The following GALNTL6 variants were observed in gnomAD, a reference collection of about 807,000 sequenced individuals.
GALNTL6 encodes polypeptide N-acetylgalactosaminyltransferase-like 6.
A neutral mutation model predicts 73.7 loss-of-function variants in GALNTL6; 46 were observed. The observed-to-expected ratio is 0.62, with a 90% confidence interval of 0.49 to 0.80. The LOEUF (loss-of-function observed/expected upper bound fraction) is 0.80. GALNTL6 is among the 30% of genes least tolerant of loss of function. The pLI is 0.00. For synonymous variants in GALNTL6, 259 were observed against 263.7 expected (o/e 0.98, Z 0.17); for missense variants, 604 against 755.0 (o/e 0.80, Z 2.34).
intron 4 of GALNTL6, among the ~76,000 whole-genome samples, chr4:172,325,221 T>C (rs1324483278): frequency 6.6e-6 from 1 of 151,966 alleles, no homozygotes; most frequent in Non-Finnish European, 1.5e-5. Flanking sequence ...CATGCCAATA[T>C]ATTTGACACT....
intron 3 of GALNTL6, among the ~76,000 whole-genome samples, chr4:172,291,316 A>G (rs1175429697): frequency 6.6e-6 from 1 of 152,118 alleles, no homozygotes; most frequent in Non-Finnish European, 1.5e-5. Context: ...GGATTAAAAT[A>G]AGTGGCAAGA....
intron 10 of GALNTL6, among the ~76,000 whole-genome samples, chr4:173,000,641 C>T (rs1752005563): frequency 6.6e-6 from 1 of 152,154 alleles, no homozygotes; most frequent in Non-Finnish European, 1.5e-5. Context: ...CCCACATTTC[C>T]TAATTTCAAA....
chr4:172,017,337 G>A (rs1163984745), intron 2 of GALNTL6, among the ~76,000 whole-genome samples: 1 of 152,144 alleles, frequency 6.6e-6, no homozygotes, highest in African/African-American at 2.4e-5. Context: ...CAGAAATGTT[G>A]ATGTTTTGAG....
intron 3 of GALNTL6, among the ~76,000 whole-genome samples, chr4:172,239,712 G>A (rs766428411): frequency 2.0e-5 from 3 of 152,084 alleles, no homozygotes; most frequent in African/African-American, 4.8e-5. Context: ...ACTTTTTTAT[G>A]TGGGTGTTTA....
In GALNTL6 at chr4:172,071,528, A is replaced by C. The variant is rs1210405822; in HGVS notation, c.139-158128A>C. ...AGTATGGCAAATTCCCTTCAGTTGTAAAACCCTTTTGGTGTTCTGCTTTTC... is the reference window on the plus strand; with the variant it reads ...AGTATGGCAAATTCCCTTCAGTTGTCAAACCCTTTTGGTGTTCTGCTTTTC... On this transcript the variant is annotated intron_variant, in intron 2 of 12. Transcript: ENST00000506823. 2.0e-4 allele frequency among the ~76,000 whole-genome samples: 22 copies of C among 111,030 alleles called. 8 individuals carry two copies. The highest frequency in any genetic ancestry group is 4.0e-4 in the Non-Finnish European group (20 of 49,728). The allele number at this position is 111,030 out of a possible 152,430, so 72.8% of individuals were successfully genotyped here.
chr4:172,371,975 C>G (rs1322571439), intron 5 of GALNTL6, among the ~76,000 whole-genome samples: 1 of 152,200 alleles, frequency 6.6e-6, no homozygotes, highest in African/African-American at 2.4e-5. Context: ...ATTAGATAAG[C>G]ATACTTGCTA....
intron 2 of GALNTL6, among the ~76,000 whole-genome samples, chr4:171,830,389 C>T (rs868632424): frequency 6.6e-6 from 1 of 152,106 alleles, no homozygotes; most frequent in African/African-American, 2.4e-5. Flanking sequence ...ACTTAGAGTG[C>T]TTAGCATTAT....
chr4:172,446,393 T>C (rs1034937398), intron 5 of GALNTL6, among the ~76,000 whole-genome samples: 1 of 152,100 alleles, frequency 6.6e-6, no homozygotes, highest in Non-Finnish European at 1.5e-5. Context: ...ACAAGAGGCA[T>C]TTGAAACTGA....
At chr4:172,772,943 C>G (rs185228869) in intron 5 of GALNTL6, among the ~76,000 whole-genome samples, 4 of 152,230 alleles carry the variant, frequency 2.6e-5, no homozygotes, top group African/African-American at 9.6e-5. Context: ...ACAATGGAAA[C>G]AGAGATTGGA....
chr4:171,885,559 G>A (rs895097226), intron 2 of GALNTL6, among the ~76,000 whole-genome samples: 19 of 152,282 alleles, frequency 1.2e-4, no homozygotes, highest in Admixed American at 2.6e-4. Context: ...TAATCTCAGT[G>A]CTTTGGGAGG....
intron 5 of GALNTL6, among the ~76,000 whole-genome samples, chr4:172,499,725 T>C (rs1734194442): frequency 6.6e-6 from 1 of 152,044 alleles, no homozygotes; most frequent in Admixed American, 6.6e-5. Flanking sequence ...CAAATGAAAA[T>C]ACAGAAAATC....
chr4:172,652,688 T>C (rs1740531958), intron 5 of GALNTL6, among the ~76,000 whole-genome samples: 1 of 152,210 alleles, frequency 6.6e-6, no homozygotes, highest in African/African-American at 2.4e-5. Context: ...TCTTTCCTTA[T>C]AATCTGGGTA....
intron 10 of GALNTL6, among the ~76,000 whole-genome samples, chr4:172,988,292 T>C (rs1268031419): frequency 6.6e-6 from 1 of 152,202 alleles, no homozygotes; most frequent in Non-Finnish European, 1.5e-5. Context: ...ACTGGTAGCA[T>C]TGTGCCCCTG....
intron 5 of GALNTL6, among the ~76,000 whole-genome samples, chr4:172,412,790 T>G (rs1414984705): frequency 6.6e-6 from 1 of 152,108 alleles, no homozygotes; most frequent in Non-Finnish European, 1.5e-5. Context: ...TAACAACAAG[T>G]AACAAAAAAA....
intron 10 of GALNTL6, among the ~76,000 whole-genome samples, chr4:172,978,887 C>T (rs1750950479): frequency 6.6e-6 from 1 of 152,194 alleles, no homozygotes; most frequent in Non-Finnish European, 1.5e-5. Flanking sequence ...TAAATTTCAG[C>T]TCCAACATTT....
At chr4:172,152,184 G>C (rs1227967449) in intron 2 of GALNTL6, among the ~76,000 whole-genome samples, 1 of 151,992 alleles carries the variant, frequency 6.6e-6, no homozygotes, top group African/African-American at 2.4e-5. Flanking sequence ...CACCCTGTTG[G>C]TCAGGCTGGT....
chr4:171,994,475 A>G (rs762293140), intron 2 of GALNTL6, among the ~76,000 whole-genome samples: 1 of 152,090 alleles, frequency 6.6e-6, no homozygotes, highest in Non-Finnish European at 1.5e-5. Flanking sequence ...ATTAAAAAAC[A>G]CTTATTGCTT....
intron 2 of GALNTL6, among the ~76,000 whole-genome samples, chr4:172,120,368 A>G (rs976870597): frequency 6.6e-6 from 1 of 152,152 alleles, no homozygotes; most frequent in African/African-American, 2.4e-5. Flanking sequence ...GGAATTTTGA[A>G]GGTGGTACCT....
At chr4:171,884,665 A>G (rs1200794421) in intron 2 of GALNTL6, among the ~76,000 whole-genome samples, 1 of 152,148 alleles carries the variant, frequency 6.6e-6, no homozygotes, top group African/African-American at 2.4e-5. Context: ...GCAGACAACA[A>G]AGAACATTTT....
Sources: gnomAD v4.1 joint callset for allele counts (sites outside exome capture counted in the v4.1 genomes callset) on GRCh38, gnomAD v4.1.1 for gene constraint, MANE v1.5 for transcripts, NCBI Gene and HGNC (gene_info 2026-07-23, HGNC 2026-07-21) for gene names.